Variants in NBPF8 observed in about 807,000 individuals in gnomAD.
NBPF8 encodes the protein NBPF family member NBPF8.
At chr1:120,464,712 C>A in intron 23 of NBPF8, among the ~76,000 whole-genome samples, 164 bp downstream of exon 21, 1 of 143,032 alleles carries the variant, frequency 7.0e-6, no homozygotes, top group Admixed American at 7.0e-5. Context: ...CCTGGAAGCC[C>A]AGACAAGGGA....
intron 15 of NBPF8, among the ~76,000 whole-genome samples, chr1:120,454,679 C>A (rs1661383766): frequency 9.4e-6 from 1 of 105,948 alleles, no homozygotes; most frequent in Non-Finnish European, 1.9e-5. Context: ...ATGGCTGATC[C>A]AATGTTTCTT....
At chr1:120,464,115 TTCTCTCTC>T (rs1190111187) in intron 22 of NBPF8, among the ~76,000 whole-genome samples, 13 of 34,100 alleles carry the variant, frequency 3.8e-4, no homozygotes, top group South Asian at 7.7e-4. Flanking sequence ...ACTGAGCTCG[TTCTCTCTC>T]TCTCTCTCTC....
chr1:120,425,718 C>T (rs1660710192), intron 1 of NBPF8, among the ~76,000 whole-genome samples: 1 of 149,772 alleles, frequency 6.7e-6, no homozygotes, highest in Admixed American at 6.7e-5. Flanking sequence ...GCAACCCATC[C>T]CTTCACTGAA....
Position 120,428,012 on chromosome 1 carries a change from A to G in NBPF8, n.510+165A>G, listed in dbSNP as rs1387992211. Among the ~76,000 whole-genome samples, 32 of 152,340 alleles carry G rather than the reference A, an allele frequency of 2.1e-4. No homozygotes were observed. In the East Asian group the frequency reaches 5.8e-3, roughly 28 times the overall value. ...TCCCTTGTTCAACAATTTTCTAAAC[A>G]TTCTTTAGATAATAATTTTATGGGC... On this transcript the variant is annotated intron_variant and non_coding_transcript_variant, in intron 3 of 28. Transcript: ENST00000652355.
At chr1:120,465,833 C>T (rs1661728024) in intron 24 of NBPF8, 145 bp from the exon 23 acceptor site, 6 of 1,548,364 alleles carry the variant, frequency 3.9e-6, no homozygotes, top group East Asian at 2.2e-5. Flanking sequence ...TCTATCCCAA[C>T]ATAAAGGCAA....
At chr1:120,415,917 C>T (rs1553245122), upstream of NBPF8, among the ~76,000 whole-genome samples, 4 of 152,284 alleles carry the variant, frequency 2.6e-5, no homozygotes, top group South Asian at 2.1e-4. Flanking sequence ...TCTCATTTGG[C>T]GTCCTTTCTC....
exon 21 of NBPF8, chr1:120,462,882 G>C: frequency 2.3e-6 from 1 of 425,976 alleles, no homozygotes; most frequent in South Asian, 2.2e-5. Context: ...AGGTTATCTT[G>C]AACTGCCTGA....
At chr1:120,465,928 T>C (rs1179678903) in intron 24 of NBPF8, 50 bp from the exon 23 acceptor site, 1 of 1,611,742 alleles carries the variant, frequency 6.2e-7, no homozygotes, top group Non-Finnish European at 8.5e-7. Context: ...TGGGGCTCTG[T>C]GGTGTCTGAT....
intron 3 of NBPF8, among the ~76,000 whole-genome samples, chr1:120,428,765 A>G (rs1660790162): frequency 1.4e-5 from 2 of 145,342 alleles, no homozygotes; most frequent in African/African-American, 2.7e-5. Context: ...TTCAACCCAT[A>G]ACTGAGCGAG....
At chr1:120,431,792 C>G (rs1460814290), upstream of NBPF8, among the ~76,000 whole-genome samples, 3 of 151,708 alleles carry the variant, frequency 2.0e-5, no homozygotes, top group Non-Finnish European at 4.4e-5. Flanking sequence ...TGTGTCTGCA[C>G]AGTGATCTGT....
chr1:120,466,115 A>G lies in NBPF8; in HGVS notation n.3706A>G. 3 of 1,611,090 alleles carry G rather than the reference A, an allele frequency of 1.9e-6. No individual in the cohort carries two copies. The South Asian group carries it at 3.3e-5, about 18-fold the overall frequency. ...TACAGAAGTGTGTTTTACTCATTTGAGGAACAGCACATCAGCTTTGCCCTT... is the reference window on the plus strand; with the variant it reads ...TACAGAAGTGTGTTTTACTCATTTGGGGAACAGCACATCAGCTTTGCCCTT... On this transcript the variant is annotated non_coding_transcript_exon_variant, in exon 25 of 25. Coordinates refer to ENST00000583271, the Ensembl canonical transcript of NBPF8.
chr1:120,428,731 C>T (rs1351136081), intron 3 of NBPF8, among the ~76,000 whole-genome samples: 1 of 150,012 alleles, frequency 6.7e-6, no homozygotes, highest in Non-Finnish European at 1.5e-5. Context: ...CACGTTCCCT[C>T]AGCCTGTCAG....
intron 1 of NBPF8, among the ~76,000 whole-genome samples, chr1:120,422,643 G>A (rs1660606581): frequency 6.8e-6 from 1 of 146,292 alleles, no homozygotes; most frequent in Non-Finnish European, 1.5e-5. Flanking sequence ...GGTGAAAGAT[G>A]TCTTGGGTAC....
At chr1:120,436,330 G>T (rs2101617355), upstream of NBPF8, 1 of 1,532,266 alleles carries the variant, frequency 6.5e-7, no homozygotes, top group Non-Finnish European at 8.7e-7. Flanking sequence ...CTCGAACCTT[G>T]TTTTTGTGGT....
chr1:120,451,757 T>C (rs1279397267), intron 12 of NBPF8, among the ~76,000 whole-genome samples: 2 of 148,622 alleles, frequency 1.3e-5, no homozygotes, highest in African/African-American at 5.0e-5. Context: ...TACATGGCTT[T>C]GTATCTAGTG....
intron 3 of NBPF8, among the ~76,000 whole-genome samples, chr1:120,431,282 T>C: frequency 2.3e-5 from 3 of 131,728 alleles, no homozygotes; most frequent in Non-Finnish European, 3.2e-5. Context: ...TGTGTGTGTG[T>C]ATATTCACCG....
exon 15 of NBPF8, chr1:120,454,111 C>A: frequency 6.2e-7 from 1 of 1,612,820 alleles, no homozygotes; most frequent in African/African-American, 1.3e-5. Context: ...ACACATTATT[C>A]CAGGTAGCCT....
intron 18 of NBPF8, among the ~76,000 whole-genome samples, chr1:120,460,909 A>G (rs1661566225): frequency 2.0e-5 from 3 of 151,948 alleles, no homozygotes; most frequent in Non-Finnish European, 4.4e-5. Context: ...ATTATTGAGG[A>G]CAGGCTTTTC....
exon 15 of NBPF8, chr1:120,454,026 A>T (rs1661362695): frequency 1.2e-6 from 2 of 1,612,604 alleles, no homozygotes. Flanking sequence ...GGAAAACCAA[A>T]ATCACATTTG....
Sources: gnomAD v4.1 joint callset for allele counts (sites outside exome capture counted in the v4.1 genomes callset) on GRCh38, gnomAD v4.1.1 for gene constraint, MANE v1.5 for transcripts, NCBI Gene and HGNC (gene_info 2026-07-23, HGNC 2026-07-21) for gene names.